Variants in DLEU7 observed in about 807,000 individuals in gnomAD.
The protein encoded by DLEU7 is deleted in lymphocytic leukemia 7.
In DLEU7, 17 loss-of-function variants were observed where a neutral mutation model predicts 16.0. The ratio of observed to expected loss-of-function variants is 1.06; its 90% CI spans 0.73 to 1.59. DLEU7 has a LOEUF of 1.59. Ranked by LOEUF, DLEU7 falls within the 40% of genes most tolerant of loss-of-function variation. The probability of loss-of-function intolerance (pLI) is 0.00; values close to 1 mark genes in which losing one functional copy is unlikely to be tolerated. For synonymous variants in DLEU7, 113 were observed against 139.8 expected, an observed-to-expected ratio of 0.81 and a Z score of 1.35; for missense variants, 308 against 314.9, an observed-to-expected ratio of 0.98 and a Z score of 0.17.
At chr13:50,750,224 T>C (rs1317570799) in intron 1 of DLEU7, among the ~76,000 whole-genome samples, 2 of 152,210 alleles carry the variant, frequency 1.3e-5, no homozygotes, top group Non-Finnish European at 2.9e-5. Context: ...TTGTTTGCTT[T>C]GTTGAAGATC....
At chr13:50,800,530 C>A (rs1392594495) in intron 1 of DLEU7, among the ~76,000 whole-genome samples, 15 of 152,092 alleles carry the variant, frequency 9.9e-5, no homozygotes, top group Non-Finnish European at 1.5e-5. Context: ...ACAAACAGAG[C>A]TGCCTTCACT....
intron 1 of DLEU7, among the ~76,000 whole-genome samples, chr13:50,803,776 G>A (rs981739416): frequency 3.5e-4 from 53 of 151,998 alleles, no homozygotes; most frequent in African/African-American, 1.1e-3. Context: ...AGAATTACAC[G>A]TGTAGCTTAC....
At chr13:50,721,709 CTG>C (rs772751080) in intron 1 of DLEU7, among the ~76,000 whole-genome samples, 15 of 152,136 alleles carry the variant, frequency 9.9e-5, no homozygotes, top group Non-Finnish European at 2.1e-4. Context: ...CATCAAGTAA[CTG>C]TGAAGGAAAT....
intron 1 of DLEU7, among the ~76,000 whole-genome samples, chr13:50,801,197 A>C (rs1876237132): frequency 6.6e-6 from 1 of 152,074 alleles, no homozygotes; most frequent in Non-Finnish European, 1.5e-5. Context: ...CTTGGATCCC[A>C]GTACCTCTCA....
intron 1 of DLEU7, among the ~76,000 whole-genome samples, chr13:50,720,519 C>T (rs1329534343): frequency 1.3e-5 from 2 of 152,220 alleles, no homozygotes; most frequent in African/African-American, 4.8e-5. Flanking sequence ...GACACACAGA[C>T]ACCATCCCAG....
intron 1 of DLEU7, among the ~76,000 whole-genome samples, chr13:50,741,690 A>G (rs1354121082): frequency 1.3e-5 from 2 of 151,958 alleles, no homozygotes; most frequent in Non-Finnish European, 2.9e-5. Context: ...ATAATTTTAC[A>G]TTTGAGGAGA....
intron 1 of DLEU7, among the ~76,000 whole-genome samples, chr13:50,834,800 C>T (rs910787838): frequency 3.3e-5 from 5 of 152,016 alleles, no homozygotes; most frequent in African/African-American, 1.2e-4. Flanking sequence ...CCCAAATGCC[C>T]ATCAATGATA....
At chr13:50,777,145 G>A (rs1429855170) in intron 1 of DLEU7, among the ~76,000 whole-genome samples, 6 of 152,214 alleles carry the variant, frequency 3.9e-5, no homozygotes, top group Non-Finnish European at 7.4e-5. Flanking sequence ...TCCTGGCTAC[G>A]GAAAGTATTT....
At chr13:50,778,814 A>G (rs1411670650) in intron 1 of DLEU7, among the ~76,000 whole-genome samples, 1 of 152,242 alleles carries the variant, frequency 6.6e-6, no homozygotes, top group Non-Finnish European at 1.5e-5. Context: ...TGAGCCGTGA[A>G]TTTAAATAAA....
chr13:50,785,226 G>A (rs1875766986), intron 1 of DLEU7, among the ~76,000 whole-genome samples: 2 of 152,198 alleles, frequency 1.3e-5, no homozygotes, highest in African/African-American at 4.8e-5. Context: ...GAGACACAGA[G>A]ATGGATGCAC....
chr13:50,839,546 G>A (rs1190176878), intron 1 of DLEU7, among the ~76,000 whole-genome samples: 1 of 152,118 alleles, frequency 6.6e-6, no homozygotes, highest in African/African-American at 2.4e-5. Flanking sequence ...ACCTTCTGGT[G>A]GATTGATCAG....
intron 1 of DLEU7, among the ~76,000 whole-genome samples, chr13:50,826,767 T>C (rs1375299269): frequency 6.6e-6 from 1 of 152,150 alleles, no homozygotes; most frequent in Non-Finnish European, 1.5e-5. Flanking sequence ...AAAATTACTC[T>C]TAAAGGCAAT....
At chr13:50,742,641 C>T (rs1353837792) in intron 1 of DLEU7, among the ~76,000 whole-genome samples, 1 of 152,118 alleles carries the variant, frequency 6.6e-6, no homozygotes, top group Admixed American at 6.5e-5. Flanking sequence ...GTTGCAAATA[C>T]TGATGAGGTG....
At chr13:50,817,852 G>GTAAGATA (rs1253222692) in intron 1 of DLEU7, among the ~76,000 whole-genome samples, 1 of 152,016 alleles carries the variant, frequency 6.6e-6, no homozygotes, top group Non-Finnish European at 1.5e-5. Flanking sequence ...GCTGATCTGG[G>GTAAGATA]AGCTCTTAGA....
At chr13:50,821,393 A>T (rs1876899018), downstream of DLEU7, among the ~76,000 whole-genome samples, 4 of 152,186 alleles carry the variant, frequency 2.6e-5, no homozygotes, top group South Asian at 6.2e-4. Context: ...TAGAACTTTA[A>T]GAACTGTAGA....
intron 1 of DLEU7, among the ~76,000 whole-genome samples, chr13:50,804,789 C>A (rs1022032259): frequency 6.6e-6 from 1 of 151,966 alleles, no homozygotes; most frequent in Non-Finnish European, 1.5e-5. Flanking sequence ...CAAATTTATT[C>A]TAAATATTTT....
In DLEU7 at chr13:50,726,631, G is replaced by C. The variant is rs1873769848; in HGVS notation, c.460-13391C>G. ...CTGCAGTGAAATTTGTGGATCGCAT[G>C]GGAGGTCTTTTCATGTGTGTCATCG... is the stretch of plus-strand genomic sequence containing the variant. On this transcript the variant is annotated intron_variant, in intron 1 of 1. Transcript: ENST00000400393. This position sits in a 1 kb window ranked among gnomAD's most constrained non-coding sequence, Gnocchi z 4.0. Among the ~76,000 whole-genome samples the C allele has an allele frequency of 6.6e-6, 1 of 152,156 alleles. No individual in the cohort carries two copies. Among genetic ancestry groups the C allele is most frequent in the African/African-American group, 2.4e-5 (1 of 41,426 alleles).
intron 1 of DLEU7, among the ~76,000 whole-genome samples, chr13:50,777,459 A>C (rs1875536858): frequency 6.6e-6 from 1 of 152,022 alleles, no homozygotes; most frequent in African/African-American, 2.4e-5. Flanking sequence ...TGAACATCAG[A>C]CCTCGAGTTC....
At chr13:50,758,025 A>ATTTTTTTTTTTTTTTTTTTTTTTTTTTT (rs5803530) in intron 1 of DLEU7, among the ~76,000 whole-genome samples, 2 of 89,110 alleles carry the variant, frequency 2.2e-5, no homozygotes, top group Non-Finnish European at 2.1e-5. Context: ...CATTACCAAG[A>ATTTTTTTTTTTTTTTTTTTTTTTTTTTT]TTTTTTTTTT....
Sources: gnomAD v4.1 joint callset for allele counts (sites outside exome capture counted in the v4.1 genomes callset) on GRCh38, gnomAD v4.1.1 for gene constraint, Gnocchi (gnomAD v3.1) non-coding constraint, MANE v1.5 for transcripts, NCBI Gene and HGNC (gene_info 2026-07-23, HGNC 2026-07-21) for gene names.